The following RTF2 variants were observed in gnomAD, a reference collection of about 807,000 sequenced individuals.
RTF2 encodes the protein UPF0549 protein C20orf43.
A neutral mutation model predicts 38.0 loss-of-function variants in RTF2; 18 were observed. The observed-to-expected ratio is 0.47, with a 90% CI of 0.33 to 0.70. The LOEUF (loss-of-function observed/expected upper bound fraction) is 0.70, where lower values mean the gene tolerates loss of function less well. RTF2 is among the 30% of genes least tolerant of loss of function. The pLI is 0.02. For synonymous variants in RTF2, 126 were observed against 137.1 expected (o/e 0.92, Z 0.57); for missense variants, 311 against 379.6 (o/e 0.82, Z 1.50).
At chr20:56,515,591 GAGAGAGAGACACACACACACACAC>G (rs1318898004) in intron 6 of RTF2, 18 of 95,728 alleles carry the variant, frequency 1.9e-4, no homozygotes, top group South Asian at 8.3e-4. Context: ...GAGAGAGAGA[GAGAGAGAGACACACACACACACAC>G]ACACACACAC....
intron 5 of RTF2, chr20:56,495,199 T>G: frequency 6.5e-7 from 1 of 1,545,602 alleles, no homozygotes; most frequent in Non-Finnish European, 8.8e-7. Context: ...TTTTTCTTTT[T>G]ACCTTTACAT....
At chr20:56,497,215 A>G in intron 5 of RTF2, 1 of 1,551,842 alleles carries the variant, frequency 6.4e-7, no homozygotes, top group South Asian at 1.2e-5. Context: ...TGAGGTACAT[A>G]AATAGCTCTG....
chr20:56,485,018 G>A (rs1982718700), intron 5 of RTF2, among the ~76,000 whole-genome samples: 1 of 152,124 alleles, frequency 6.6e-6, no homozygotes, highest in South Asian at 2.1e-4. Context: ...ACTGATCTGT[G>A]GGAAAGCATA....
intron 6 of RTF2, chr20:56,516,586 A>G (rs770136261): frequency 1.8e-5 from 6 of 328,870 alleles, no homozygotes; most frequent in Non-Finnish European, 3.4e-5. Flanking sequence ...TACTCATTTA[A>G]GTGCGCTTTT....
chr20:56,484,916 T>G (rs1331342529), intron 5 of RTF2, among the ~76,000 whole-genome samples: 1 of 152,184 alleles, frequency 6.6e-6, no homozygotes, highest in African/African-American at 2.4e-5. Context: ...CTGTTTGTAT[T>G]TCATTCCCCT....
chr20:56,484,020 C>A (rs1447640045), intron 4 of RTF2, 91 bp from the exon 5 acceptor site: 1 of 1,043,698 alleles, frequency 9.6e-7, no homozygotes, highest in Non-Finnish European at 1.5e-6. Context: ...CTATTTTAAT[C>A]TTTGTGGTTC....
chr20:56,474,374 G>T (rs1055491933), intron 2 of RTF2, among the ~76,000 whole-genome samples: 9 of 152,040 alleles, frequency 5.9e-5, no homozygotes, highest in Non-Finnish European at 1.3e-4. Context: ...CCAGCTGCTC[G>T]GGAGGCTGAG....
intron 5 of RTF2, chr20:56,497,537 G>A (rs1423104932): frequency 7.1e-7 from 1 of 1,417,258 alleles, no homozygotes; most frequent in African/African-American, 1.4e-5. Context: ...GATTCCTTAA[G>A]TAAAGAAAAA....
intron 5 of RTF2, among the ~76,000 whole-genome samples, chr20:56,493,424 A>G (rs1159575448): frequency 1.3e-5 from 2 of 152,158 alleles, no homozygotes; most frequent in African/African-American, 4.8e-5. Context: ...TTGGGAGGCC[A>G]AAGTGGTAGG....
rs762103944 is a variant in RTF2 at position 56,517,206 on chromosome 20, G to A, written c.742+5G>A. 5 of 1,612,428 alleles carry A rather than the reference G, an allele frequency of 3.1e-6. No homozygotes were observed. Among genetic ancestry groups the A allele is most frequent in the African/African-American group, 1.3e-5 (1 of 74,890 alleles). The stretch of plus-strand genomic sequence containing the variant: ...ACTTGGCTCCCAAAAGCACAGGTGG[G>A]TCCTGTTGTAGCTACAGGGAGCTGT... On this transcript the variant is annotated splice_donor_5th_base_variant and intron_variant, in intron 8 of 8. Coordinates refer to ENST00000357348, the MANE Select transcript of RTF2 (RefSeq NM_016407.5).
chr20:56,513,407 G>A lies in RTF2; in HGVS notation c.570G>A (p.Arg190=), dbSNP rs371592492. The A allele has an allele frequency of 4.4e-6, 7 of 1,603,050 alleles. No homozygotes were observed. The highest frequency in any genetic ancestry group is 6.0e-6 in the Non-Finnish European group (7 of 1,175,210). ...DVLKTRMEER[R]LRAKLEKKTK... Reference sequence around the variant, plus strand: ...TGAAGACAAGGATGGAGGAGAGAAGGCTGAGAGCGAAGCTGGAAAAGGTAA... The same window carrying A: ...TGAAGACAAGGATGGAGGAGAGAAGACTGAGAGCGAAGCTGGAAAAGGTAA... The change falls in exon 6 of 9, where the codon AGG becomes AGA. Residue 190 remains arginine, a synonymous_variant. Coordinates refer to ENST00000357348, the MANE Select transcript of RTF2 (RefSeq NM_016407.5).
At chr20:56,496,490 G>A in intron 5 of RTF2, 1 of 813,644 alleles carries the variant, frequency 1.2e-6, no homozygotes. Flanking sequence ...GGAGCTTGCA[G>A]TGAGCCGAGA....
intron 1 of RTF2, among the ~76,000 whole-genome samples, chr20:56,471,280 C>T (rs142028119): frequency 0.01 from 1,566 of 152,276 alleles, 15 homozygotes; most frequent in Non-Finnish European, 0.016. Context: ...AGAAAAAACA[C>T]TTGTCTGGCC....
At chr20:56,482,390 A>C (rs1278666579) in intron 4 of RTF2, among the ~76,000 whole-genome samples, 4 of 152,262 alleles carry the variant, frequency 2.6e-5, no homozygotes, top group African/African-American at 9.6e-5. Context: ...TTTAAGGAAT[A>C]ATGACAAAAA....
intron 5 of RTF2, among the ~76,000 whole-genome samples, chr20:56,511,985 A>C (rs11699883): frequency 0.32 from 48,121 of 152,016 alleles, 9,555 homozygotes; most frequent in Non-Finnish European, 0.45. Flanking sequence ...GGCATGTACC[A>C]CCACACCCAG....
chr20:56,468,853 C>T (rs1170953659), intron 1 of RTF2, 87 bp downstream of exon 1: 1 of 1,134,256 alleles, frequency 8.8e-7, no homozygotes, highest in Non-Finnish European at 1.3e-6. Flanking sequence ...AAGGGGGAGC[C>T]AGCGGAGTTC....
chr20:56,488,965 G>A (rs866619594), intron 5 of RTF2, among the ~76,000 whole-genome samples: 6 of 152,060 alleles, frequency 3.9e-5, no homozygotes, highest in Non-Finnish European at 5.9e-5. Context: ...TTCCATTGCT[G>A]TCCCCACTCT....
At chr20:56,516,881 G>A (rs368137777) in intron 6 of RTF2, 54 bp from the exon 7 acceptor site, 10 of 1,552,168 alleles carry the variant, frequency 6.4e-6, no homozygotes, top group Admixed American at 1.7e-5. Flanking sequence ...CCACACTGAC[G>A]CTGAAGTGGA....
chr20:56,491,048 TC>T, intron 5 of RTF2, among the ~76,000 whole-genome samples: 1 of 152,310 alleles, frequency 6.6e-6, no homozygotes, highest in South Asian at 2.1e-4. Context: ...TGTTTTCTAC[TC>T]CAGATGAGCT....
Sources: gnomAD v4.1 joint callset for allele counts (sites outside exome capture counted in the v4.1 genomes callset) on GRCh38, gnomAD v4.1.1 for gene constraint, MANE v1.5 for transcripts, NCBI Gene and HGNC (gene_info 2026-07-23, HGNC 2026-07-21) for gene names.